Variants in OR4K17 observed in about 807,000 individuals in gnomAD.
OR4K17 encodes olfactory receptor 4K17.
For synonymous variants in OR4K17, 157 were observed against 132.8 expected (o/e 1.18, Z -1.25); for missense variants, 480 against 366.3 (o/e 1.31, Z -2.53).
At chr14:20,116,505 T>A (rs1877996258) in intron 1 of OR4K17, among the ~76,000 whole-genome samples, 2 of 152,114 alleles carry the variant, frequency 1.3e-5, no homozygotes, top group Non-Finnish European at 2.9e-5. Context: ...TGTAAATAAA[T>A]GTGAATGGAG....
chr14:20,111,298 A>G (rs1877878433), intron 1 of OR4K17, among the ~76,000 whole-genome samples: 1 of 152,066 alleles, frequency 6.6e-6, no homozygotes, highest in South Asian at 2.1e-4. Flanking sequence ...TTATAAGGGT[A>G]GTACTATGAG....
At chr14:20,117,282 C>G (rs1878015053) in intron 1 of OR4K17, 186 bp from the exon 2 acceptor site, 1 of 650,826 alleles carries the variant, frequency 1.5e-6, no homozygotes, top group Non-Finnish European at 2.6e-6. Flanking sequence ...TAGGTCATTG[C>G]TCTTTTATGG....
At chr14:20,112,785 C>T (rs919205542) in intron 1 of OR4K17, among the ~76,000 whole-genome samples, 16 of 151,950 alleles carry the variant, frequency 1.1e-4, no homozygotes, top group African/African-American at 3.9e-4. Flanking sequence ...ATATAAAAAT[C>T]GAGAGGCAAA....
Position 20,110,841 on chromosome 14 carries a change from C to A in OR4K17, c.-84C>A, listed in dbSNP as rs1369122193. The A allele has an allele frequency of 6.6e-6, 1 of 152,002 alleles. No individual in the cohort carries two copies. Among genetic ancestry groups the A allele is most frequent in the East Asian group, 1.9e-4 (1 of 5,176 alleles). 9.4% of individuals were successfully genotyped at this position (152,002 alleles called of 1,614,324 possible). Reference sequence around the variant, plus strand: ...AACTATAAGTTGAGAAGGTGCATGCCCTTCTCGATATTGTCCCCTCTGAAC... The same window carrying A: ...AACTATAAGTTGAGAAGGTGCATGCACTTCTCGATATTGTCCCCTCTGAAC... On this transcript the variant is annotated 5_prime_UTR_variant, in exon 1 of 2. Coordinates refer to ENST00000641386, the MANE Select transcript of OR4K17 (RefSeq NM_001004715.5).
chr14:20,118,340 A>T lies in OR4K17; in HGVS notation c.841A>T (p.Ile281Phe). 1 of 1,612,092 alleles carries T rather than the reference A, an allele frequency of 6.2e-7. No individual in the cohort carries two copies. The highest frequency in any genetic ancestry group is 8.5e-7 in the Non-Finnish European group (1 of 1,178,226). ...TGTGTTTTATACCATCATCACTCCT[A>T]TCTTGAATCCAATTATCTATACTCT... ...LAVFYTIITP[I>F]LNPIIYTLRN... Residue 281 changes from isoleucine (I) to phenylalanine (F), a missense_variant, in exon 2 of 2, where the codon ATC (isoleucine) becomes TTC (phenylalanine). By Grantham distance (21) the Ile-to-Phe change is conservative. Transcript: ENST00000641386.
Position 20,117,584 on chromosome 14 carries a change from G to T in OR4K17, c.85G>T (p.Ala29Ser). ...SSQDVEFLLF[A>S]LFSVIYVVTV... ...CCAGGATGTAGAGTTTCTTCTCTTT[G>T]CCCTCTTCTCGGTTATCTATGTGGT... is the stretch of plus-strand genomic sequence containing the variant. The change falls in exon 2 of 2, where the codon GCC becomes TCC. Residue 29 changes from alanine (A) to serine (S), a missense_variant. Coordinates refer to ENST00000641386, the MANE Select transcript of OR4K17 (RefSeq NM_001004715.5). The T allele has an allele frequency of 1.2e-6, 2 of 1,613,754 alleles. No homozygotes were observed. The highest frequency in any genetic ancestry group is 1.7e-6 in the Non-Finnish European group (2 of 1,179,908).
chr14:20,118,243 T>C lies in OR4K17; in HGVS notation c.744T>C (p.Ile248=), dbSNP rs1370470750. ...STLTAHITVV[I]LFFGPCIFIY... ...TGACTGCTCACATCACAGTGGTGAT[T>C]CTCTTCTTTGGCCCATGCATCTTTA... is the stretch of plus-strand genomic sequence containing the variant. The change falls in exon 2 of 2, where the codon ATT becomes ATC. Residue 248 remains isoleucine (I), a synonymous_variant. Transcript: ENST00000641386. 2.5e-6 allele frequency: 4 copies of C among 1,614,060 alleles called. No individual in the cohort carries two copies. Among genetic ancestry groups the C allele is most frequent in the Admixed American group, 1.7e-5 (1 of 60,020 alleles).
At position 20,117,756 on chromosome 14, in the gene OR4K17, T is replaced by G. The variant is rs1248270396; in HGVS notation, c.257T>G (p.Leu86Ter). 2 of 1,614,102 alleles carry G rather than the reference T, an allele frequency of 1.2e-6. No homozygotes were observed. The highest frequency in any genetic ancestry group is 1.7e-6 in the Non-Finnish European group (2 of 1,179,992). ...ACCCCTAAGGTGATTCTGAACTTGT[T>G]AAAAAAGCAGAAGGTAATTTCTTTT... The part of the protein sequence containing the change: ...FATPKVILNL[L>*]KKQKVISFAG... The change falls in exon 2 of 2, where the codon TTA becomes TGA. Residue 86 changes from leucine (L) to a stop codon, truncating the protein, a stop_gained. Coordinates refer to ENST00000641386, the MANE Select transcript of OR4K17 (RefSeq NM_001004715.5). LOFTEE classifies it low-confidence loss of function (END_TRUNC).
chr14:20,118,292 C>T lies in OR4K17; in HGVS notation c.793C>T (p.His265Tyr), dbSNP rs1322793755. 2.4e-5 allele frequency: 38 copies of T among 1,613,762 alleles called. No homozygotes were observed. The highest frequency in any genetic ancestry group is 3.1e-5 in the Non-Finnish European group (37 of 1,179,832). ...TATCTACATTTGGCCCTTCGGCAAC[C>T]ACTCTGTAGATAAGTTCCTTGCTGT... ...IFIYIWPFGN[H>Y]SVDKFLAVFY... Residue 265 changes from histidine (H) to tyrosine (Y), a missense_variant, in exon 2 of 2, where the codon CAC (histidine) becomes TAC (tyrosine). His to Tyr is a moderately conservative substitution (Grantham distance 83). Coordinates refer to ENST00000641386, the MANE Select transcript of OR4K17 (RefSeq NM_001004715.5).
chr14:20,117,362 C>T (rs754598019), intron 1 of OR4K17, 106 bp from the exon 2 acceptor site: 47 of 1,330,906 alleles, frequency 3.5e-5, no homozygotes, highest in Non-Finnish European at 4.3e-5. Flanking sequence ...TTTCAAGGTC[C>T]GTTTATTGAA....
rs11158865 is a variant in OR4K17 at position 20,121,105 on chromosome 14, T to C, written c.*2667T>C. ...ACCTCCATACAGGGGAAGTTCTTTC[T>C]GTACTGAAACCAGCCTGTGAAGTCT... is the stretch of plus-strand genomic sequence containing the variant. On this transcript the variant is annotated 3_prime_UTR_variant, in exon 2 of 2. Coordinates refer to ENST00000641386, the MANE Select transcript of OR4K17 (RefSeq NM_001004715.5). The C allele has an allele frequency of 0.7, 106,414 of 152,050 alleles. 37,294 individuals carry two copies. The highest frequency in any genetic ancestry group is 0.73 in the Middle Eastern group (216 of 294). 9.4% of individuals were successfully genotyped at this position (152,050 alleles called of 1,614,324 possible).
chr14:20,114,650 C>G (rs1281163552), intron 1 of OR4K17, among the ~76,000 whole-genome samples: 1 of 151,970 alleles, frequency 6.6e-6, no homozygotes, highest in African/African-American at 2.4e-5. Flanking sequence ...AATTTCCCAC[C>G]CATTACCTCA....
In OR4K17 at chr14:20,120,926, T is replaced by C. The variant is rs1463806318; in HGVS notation, c.*2488T>C. On this transcript the variant is annotated 3_prime_UTR_variant, in exon 2 of 2. Transcript: ENST00000641386. ...TAGCCACCAAAGACCACAACAATTT[T>C]TGTCACCACTTCAAACATCTACATC... The C allele has an allele frequency of 6.6e-6, 1 of 152,224 alleles. No individual in the cohort carries two copies. Among genetic ancestry groups the C allele is most frequent in the African/African-American group, 2.4e-5 (1 of 41,444 alleles). 9.4% of individuals were successfully genotyped at this position (152,224 alleles called of 1,614,324 possible). A position where few individuals can be genotyped will look rare whatever the true frequency, so the allele number is the denominator to read the frequency against.
intron 1 of OR4K17, among the ~76,000 whole-genome samples, chr14:20,114,507 C>T (rs1289419592): frequency 6.6e-6 from 1 of 151,970 alleles, no homozygotes; most frequent in Admixed American, 6.6e-5. Context: ...TTTTTAAGAT[C>T]TTTTGACTAT....
In OR4K17 at chr14:20,120,494, T is replaced by A. The variant is rs1878138607; in HGVS notation, c.*2056T>A. 1 of 152,198 alleles carries A rather than the reference T, an allele frequency of 6.6e-6. No individual in the cohort carries two copies. Among genetic ancestry groups the A allele is most frequent in the Non-Finnish European group, 1.5e-5 (1 of 68,042 alleles). 9.4% of individuals were successfully genotyped at this position (152,198 alleles called of 1,614,324 possible). A position where few individuals can be genotyped will look rare whatever the true frequency, so the allele number is the denominator to read the frequency against. ...CTCTAGTCCTAGAACCAAGATGGTT[T>A]TCTTGTGTGACTGTGTGCTGAGCAC... On this transcript the variant is annotated 3_prime_UTR_variant, in exon 2 of 2. Transcript: ENST00000641386.
chr14:20,112,295 TCTTGGC>T (rs1391490379), intron 1 of OR4K17, among the ~76,000 whole-genome samples: 1 of 152,042 alleles, frequency 6.6e-6, no homozygotes, highest in Non-Finnish European at 1.5e-5. Flanking sequence ...ACAGTCAATA[TCTTGGC>T]CTCACACAGA....
chr14:20,118,298 G>T lies in OR4K17; in HGVS notation c.799G>T (p.Val267Leu). Residue 267 changes from valine (V) to leucine (L), a missense_variant, in exon 2 of 2, where the codon GTA (valine) becomes TTA (leucine). Transcript: ENST00000641386. ...CATTTGGCCCTTCGGCAACCACTCT[G>T]TAGATAAGTTCCTTGCTGTGTTTTA... Reference protein sequence around the residue: ...IYIWPFGNHSVDKFLAVFYTI... With the variant: ...IYIWPFGNHSLDKFLAVFYTI... The T allele has an allele frequency of 6.2e-7, 1 of 1,613,748 alleles. No homozygotes were observed. Among genetic ancestry groups the T allele is most frequent in the Non-Finnish European group, 8.5e-7 (1 of 1,179,736 alleles).
chr14:20,119,779 A>G lies in OR4K17; in HGVS notation c.*1341A>G, dbSNP rs1566553328. On this transcript the variant is annotated 3_prime_UTR_variant, in exon 2 of 2. Transcript: ENST00000641386. ...CTTGAACCCAGGAGGCAGAGGCTTC[A>G]GTGAGCTGAGTTTGTGTCACTGCCC... The G allele has an allele frequency of 6.6e-6, 1 of 152,266 alleles. No homozygotes were observed. The highest frequency in any genetic ancestry group is 1.5e-5 in the Non-Finnish European group (1 of 68,068). 9.4% of individuals were successfully genotyped at this position (152,266 alleles called of 1,614,324 possible). A position where few individuals can be genotyped will look rare whatever the true frequency, so the allele number is the denominator to read the frequency against.
chr14:20,114,494 G>A (rs1262717520), intron 1 of OR4K17, among the ~76,000 whole-genome samples: 1 of 151,968 alleles, frequency 6.6e-6, no homozygotes, highest in East Asian at 1.9e-4. Context: ...AGAACTTGTT[G>A]CATTTTTAAG....
Sources: allele counts gnomAD v4.1 joint callset (sites outside exome capture counted in the v4.1 genomes callset), GRCh38; gene constraint gnomAD v4.1.1; transcripts MANE v1.5; gene names NCBI Gene and HGNC (gene_info 2026-07-23, HGNC 2026-07-21).